ZBTB25: variants seen among roughly 807,000 people sequenced by gnomAD.
ZBTB25 encodes the protein zinc finger and BTB domain containing 25, also known as zinc finger and BTB domain-containing protein 25.
Under a neutral mutation model 34.2 loss-of-function variants are expected in ZBTB25, and 20 were observed. That is an observed-to-expected ratio of 0.58 (90% CI 0.41 to 0.85). ZBTB25 has a LOEUF of 0.85. Among genes scored for constraint, ZBTB25 ranks in the 40% least tolerant of loss-of-function variants. ZBTB25 has a pLI of 0.00. For synonymous variants in ZBTB25, 175 were observed against 186.4 expected (o/e 0.94, Z 0.50); for missense variants, 437 against 521.8 (o/e 0.84, Z 1.58).
Position 64,485,018 on chromosome 14 carries a change from ACAT to A in ZBTB25, c.*1902_*1904del. The A allele has an allele frequency of 1.0e-6, 1 of 985,470 alleles. No individual in the cohort carries two copies. The highest frequency in any genetic ancestry group is 1.7e-5 in the African/African-American group (1 of 57,374). The allele number at this position is 985,470 out of a possible 1,614,324, so 61.0% of individuals were successfully genotyped here. A position where few individuals can be genotyped will look rare whatever the true frequency, so the allele number is the denominator to read the frequency against. On this transcript the variant is annotated 3_prime_UTR_variant, in exon 3 of 3. Coordinates refer to ENST00000608382, the MANE Select transcript of ZBTB25 (RefSeq NM_006977.5). ...ATCAAGTTAGATGTGCTCTCAACAC[ACAT>A]CAGTCTTAACCATAGGAGCCTTTAC...
At position 64,503,776 on chromosome 14, in the gene ZBTB25, C is replaced by T. The variant is rs1180830863; in HGVS notation, c.-123G>A. ...CACCCCTCGGCCGCCTCTCGCGCGG[C>T]TTCCCGCGCCGGCAGCCCGCGATGG... On this transcript the variant is annotated 5_prime_UTR_variant, in exon 1 of 3. Coordinates refer to ENST00000608382, the MANE Select transcript of ZBTB25 (RefSeq NM_006977.5). 1 of 230,808 alleles carries T rather than the reference C, an allele frequency of 4.3e-6. No homozygotes were observed. The highest frequency in any genetic ancestry group is 6.5e-5 in the Admixed American group (1 of 15,344). The allele number at this position is 230,808 out of a possible 1,614,324, so 14.3% of individuals were successfully genotyped here. A position where few individuals can be genotyped will look rare whatever the true frequency, so the allele number is the denominator to read the frequency against.
At chr14:64,458,080 G>T in intron 2 of ZBTB25, 1 of 765,422 alleles carries the variant, frequency 1.3e-6, no homozygotes, top group African/African-American at 1.7e-5. Flanking sequence ...TGTAGAGATG[G>T]GGGTCTCACT....
chr14:64,501,084 A>G (rs2079481155), intron 1 of ZBTB25, among the ~76,000 whole-genome samples: 1 of 152,188 alleles, frequency 6.6e-6, no homozygotes, highest in South Asian at 2.1e-4. Context: ...CCCCAGAAGT[A>G]TAAAAAAATT....
intron 2 of ZBTB25, 53 bp downstream of exon 2, chr14:64,490,308 G>A: frequency 2.2e-6 from 3 of 1,337,546 alleles, no homozygotes; most frequent in South Asian, 3.4e-5. Flanking sequence ...CTATAATAAA[G>A]CTTATATAAA....
intron 1 of ZBTB25, among the ~76,000 whole-genome samples, chr14:64,497,123 G>A (rs572523239): frequency 6.6e-6 from 1 of 151,982 alleles, no homozygotes; most frequent in East Asian, 1.9e-4. Flanking sequence ...AAATAAGGGA[G>A]TAAACTTTTC....
intron 1 of ZBTB25, among the ~76,000 whole-genome samples, chr14:64,490,913 A>G (rs952989992): frequency 1.1e-4 from 17 of 152,232 alleles, no homozygotes; most frequent in African/African-American, 3.9e-4. Flanking sequence ...TTCCTGCCTC[A>G]GAGTTAAATA....
chr14:64,450,970 C>A (rs2078362365), intron 2 of ZBTB25, among the ~76,000 whole-genome samples: 1 of 152,072 alleles, frequency 6.6e-6, no homozygotes, highest in African/African-American at 2.4e-5. Context: ...GAGTTGGAGA[C>A]CAGCCTGGCC....
chr14:64,465,166 CCTCA>C (rs899720796), intron 2 of ZBTB25, among the ~76,000 whole-genome samples: 17 of 152,154 alleles, frequency 1.1e-4, no homozygotes, highest in African/African-American at 4.1e-4. Context: ...TGAAACCGGA[CCTCA>C]CTATTTAGCG....
rs2078794727 is a variant in ZBTB25 at position 64,481,616 on chromosome 14, G to C, written c.*5307C>G. On this transcript the variant is annotated 3_prime_UTR_variant, in exon 3 of 3. Transcript: ENST00000608382. Reference sequence around the variant, plus strand: ...ATGACAGTTAATGTCAATTGCACCAGACCAATACTTAACTAATTAATCAAG... The same window carrying C: ...ATGACAGTTAATGTCAATTGCACCACACCAATACTTAACTAATTAATCAAG... 1 of 152,154 alleles carries C rather than the reference G, an allele frequency of 6.6e-6. No homozygotes were observed. Among genetic ancestry groups the C allele is most frequent in the South Asian group, 2.1e-4 (1 of 4,830 alleles). 9.4% of individuals were successfully genotyped at this position (152,154 alleles called of 1,614,324 possible). A position where few individuals can be genotyped will look rare whatever the true frequency, so the allele number is the denominator to read the frequency against.
chr14:64,494,049 T>C (rs1982440), intron 1 of ZBTB25, among the ~76,000 whole-genome samples: 26,158 of 151,352 alleles, frequency 0.17, 2,590 homozygotes, highest in Non-Finnish European at 0.22. Context: ...AATAATAAAG[T>C]AGACTAAAAA....
In ZBTB25 at chr14:64,482,319, T is replaced by G. The variant is rs2078803783; in HGVS notation, c.*4604A>C. On this transcript the variant is annotated 3_prime_UTR_variant, in exon 3 of 3. Transcript: ENST00000608382. ...TACAAAAATTAGCTGGGTGTGGTGG[T>G]GCGTGCCTATAGTTCCAGCTACTCG... is the stretch of plus-strand genomic sequence containing the variant. The G allele has an allele frequency of 6.6e-6, 1 of 152,150 alleles. No individual in the cohort carries two copies. Among genetic ancestry groups the G allele is most frequent in the South Asian group, 2.1e-4 (1 of 4,826 alleles). The allele number at this position is 152,150 out of a possible 1,614,324, so 9.4% of individuals were successfully genotyped here.
exon 3 of ZBTB25, chr14:64,449,354 G>A: frequency 7.0e-7 from 1 of 1,427,854 alleles, no homozygotes; most frequent in Non-Finnish European, 9.8e-7. Context: ...TTTATCAGTG[G>A]GTAATTCACA....
intron 2 of ZBTB25, among the ~76,000 whole-genome samples, chr14:64,452,252 G>A (rs966498659): frequency 3.3e-5 from 5 of 152,170 alleles, no homozygotes; most frequent in African/African-American, 7.2e-5. Context: ...CTGAGATGAC[G>A]CCATTGCACT....
chr14:64,458,044 T>C, intron 2 of ZBTB25: 2 of 663,074 alleles, frequency 3.0e-6, no homozygotes, highest in South Asian at 3.4e-5. Context: ...GCACATGCCA[T>C]CATATCCAGC....
At chr14:64,450,839 G>A (rs1173769121) in intron 2 of ZBTB25, among the ~76,000 whole-genome samples, 1 of 151,808 alleles carries the variant, frequency 6.6e-6, no homozygotes, top group East Asian at 1.9e-4. Context: ...CCCTGAGTAG[G>A]TGGGACCACA....
At position 64,502,682 on chromosome 14, in the gene ZBTB25, T is replaced by TG; in HGVS notation, c.-8+978dup. 14 of 985,292 alleles carry TG rather than the reference T, an allele frequency of 1.4e-5. No homozygotes were observed. In the South Asian group the frequency reaches 6.1e-4, roughly 43 times the overall value. 61.0% of individuals were successfully genotyped at this position (985,292 alleles called of 1,614,324 possible). On this transcript the variant is annotated intron_variant, in intron 1 of 2. Coordinates refer to ENST00000608382, the MANE Select transcript of ZBTB25 (RefSeq NM_006977.5). ...GCCGGATACATTCTCTACAGGTGAG[T>TG]GGGGTAAACTGGCACTGCGGTCCTG...
intron 1 of ZBTB25, chr14:64,503,002 T>C: frequency 1.2e-5 from 12 of 985,414 alleles, no homozygotes; most frequent in African/African-American, 3.5e-5. Context: ...GCGCTAACTG[T>C]TGAAACATGC....
At chr14:64,458,023 TG>T in intron 2 of ZBTB25, 1 of 623,058 alleles carries the variant, frequency 1.6e-6, no homozygotes, top group Non-Finnish European at 2.9e-6. Flanking sequence ...CCCAAGTAGC[TG>T]GAACTACAGG....
At chr14:64,504,954 T>C (rs1295993273), upstream of ZBTB25, 1 of 395,042 alleles carries the variant, frequency 2.5e-6, no homozygotes, top group Non-Finnish European at 4.5e-6. Flanking sequence ...CCGGTAAGTA[T>C]TTGCCAGTTG....
Sources: gnomAD v4.1 joint callset for allele counts (sites outside exome capture counted in the v4.1 genomes callset) on GRCh38, gnomAD v4.1.1 for gene constraint, MANE v1.5 for transcripts, NCBI Gene and HGNC (gene_info 2026-07-23, HGNC 2026-07-21) for gene names.